TMEM45A: variants seen among roughly 807,000 people sequenced by gnomAD.
The protein encoded by TMEM45A is DNA polymerase-transactivated protein 4.
TMEM45A carries 25 observed loss-of-function variants against 32.0 expected under a neutral mutation model. The ratio of observed to expected loss-of-function variants is 0.78; its 90% CI spans 0.57 to 1.09. The LOEUF is 1.09. Among genes scored for constraint, TMEM45A ranks in the 50% least tolerant of loss-of-function variants. The pLI, the probability that TMEM45A is intolerant of heterozygous loss-of-function variation, is 0.00. For synonymous variants in TMEM45A, 122 were observed against 114.8 expected (o/e 1.06, Z -0.40); for missense variants, 302 against 325.0 (o/e 0.93, Z 0.54).
chr3:100,557,556 GTT>G lies in TMEM45A; in HGVS notation c.403+595_403+596del, dbSNP rs5851211. On this transcript the variant is annotated intron_variant, in intron 3 of 5. Coordinates refer to ENST00000323523, the MANE Select transcript of TMEM45A (RefSeq NM_018004.3). The stretch of plus-strand genomic sequence containing the variant: ...GAAAAAAGAAAACAAGCATTTAATG[GTT>G]TTTTTTTTTTCATGTATTACACACG... Among the ~76,000 whole-genome samples, 470 of 150,132 alleles carry G rather than the reference GTT, an allele frequency of 3.1e-3. 2 individuals are homozygous for G. Among genetic ancestry groups the G allele is most frequent in the African/African-American group, 9.6e-3 (393 of 40,782 alleles).
intron 1 of TMEM45A, among the ~76,000 whole-genome samples, chr3:100,534,347 G>C (rs146113159): frequency 1.8e-3 from 279 of 152,242 alleles, no homozygotes; most frequent in African/African-American, 6.1e-3. Flanking sequence ...GATTATCCTG[G>C]ATTATTCAGG....
chr3:100,558,231 T>G (rs1331830030), intron 3 of TMEM45A, among the ~76,000 whole-genome samples, 174 bp from the exon 4 acceptor site: 2 of 152,162 alleles, frequency 1.3e-5, no homozygotes, highest in Non-Finnish European at 1.5e-5. Flanking sequence ...AAGATCCTAT[T>G]CTAATGAGGT....
chr3:100,554,353 A>G (rs896973280), intron 1 of TMEM45A, among the ~76,000 whole-genome samples: 17 of 152,206 alleles, frequency 1.1e-4, no homozygotes, highest in African/African-American at 3.9e-4. Flanking sequence ...TTGCCTTAGC[A>G]CAATAAGGGA....
intron 1 of TMEM45A, among the ~76,000 whole-genome samples, chr3:100,508,267 C>T (rs1708104771): frequency 6.6e-6 from 1 of 152,110 alleles, no homozygotes; most frequent in African/African-American, 2.4e-5. Flanking sequence ...ATGGGTCACA[C>T]ACATAGCCCA....
At chr3:100,520,539 A>G (rs1448364359) in intron 1 of TMEM45A, among the ~76,000 whole-genome samples, 3 of 152,110 alleles carry the variant, frequency 2.0e-5, no homozygotes, top group African/African-American at 4.8e-5. Flanking sequence ...TCTGTTATCC[A>G]TGTGGCCTTA....
intron 1 of TMEM45A, among the ~76,000 whole-genome samples, chr3:100,542,899 G>T (rs1384460102): frequency 6.6e-6 from 1 of 152,122 alleles, no homozygotes; most frequent in East Asian, 1.9e-4. Context: ...GGAAGGGAGG[G>T]AGGGGACAAG....
Position 100,558,565 on chromosome 3 carries a change from G to T in TMEM45A, c.564G>T (p.Leu188=). ...LLELLRSSLI[L]LQGSWFFQIG... ...AGCTATTGCGGTCAAGTCTCATTCTGCTTCAGGGGAGCTGGTTCTTTCAGG... is the reference window on the plus strand; with the variant it reads ...AGCTATTGCGGTCAAGTCTCATTCTTCTTCAGGGGAGCTGGTTCTTTCAGG... The change falls in exon 4 of 6, where the codon CTG becomes CTT. Residue 188 remains leucine, a synonymous_variant. Coordinates refer to ENST00000323523, the MANE Select transcript of TMEM45A (RefSeq NM_018004.3). 6.2e-7 allele frequency: 1 copy of T among 1,614,028 alleles called. No homozygotes were observed. Among genetic ancestry groups the T allele is most frequent in the East Asian group, 2.2e-5 (1 of 44,882 alleles).
At chr3:100,558,313 T>C in intron 3 of TMEM45A, 92 bp from the exon 4 acceptor site, 1 of 1,480,604 alleles carries the variant, frequency 6.8e-7, no homozygotes, top group Non-Finnish European at 9.3e-7. Context: ...TGTGTGTATG[T>C]GTAAAATTCT....
chr3:100,548,461 T>C (rs1706022823), intron 1 of TMEM45A, among the ~76,000 whole-genome samples: 1 of 152,130 alleles, frequency 6.6e-6, no homozygotes, highest in Non-Finnish European at 1.5e-5. Context: ...AGACCAGAGC[T>C]CTCACTTCTT....
intron 4 of TMEM45A, among the ~76,000 whole-genome samples, chr3:100,559,096 A>G (rs1426030803): frequency 6.6e-6 from 1 of 152,222 alleles, no homozygotes; most frequent in Non-Finnish European, 1.5e-5. Flanking sequence ...CAGAGCTAGG[A>G]TCTAAATTTG....
chr3:100,568,400 C>T (rs946807973), intron 4 of TMEM45A, among the ~76,000 whole-genome samples: 2 of 152,130 alleles, frequency 1.3e-5, no homozygotes, highest in Admixed American at 6.5e-5. Flanking sequence ...AGCAGACATC[C>T]ATGTCTCGTT....
At chr3:100,510,460 C>T (rs1708141755) in intron 1 of TMEM45A, among the ~76,000 whole-genome samples, 1 of 152,218 alleles carries the variant, frequency 6.6e-6, no homozygotes, top group Admixed American at 6.5e-5. Flanking sequence ...ACACCAAAAA[C>T]CCATCTGTAC....
chr3:100,575,048 T>G (rs59720880), intron 5 of TMEM45A, among the ~76,000 whole-genome samples: 2 of 152,194 alleles, frequency 1.3e-5, no homozygotes, highest in African/African-American at 4.8e-5. Context: ...AGAAAAAATA[T>G]AGCAGAAAAT....
At chr3:100,514,232 A>C (rs949423242) in intron 1 of TMEM45A, among the ~76,000 whole-genome samples, 24 of 152,194 alleles carry the variant, frequency 1.6e-4, no homozygotes, top group Non-Finnish European at 3.1e-4. Context: ...ACTATACTAC[A>C]AGGCTACAGT....
chr3:100,541,835 G>A (rs1275093302), intron 1 of TMEM45A, among the ~76,000 whole-genome samples: 1 of 152,098 alleles, frequency 6.6e-6, no homozygotes, highest in Non-Finnish European at 1.5e-5. Flanking sequence ...AGGGGTCAAG[G>A]TTCATTCTTC....
intron 1 of TMEM45A, among the ~76,000 whole-genome samples, chr3:100,540,659 T>A (rs983199737): frequency 6.6e-6 from 1 of 152,176 alleles, no homozygotes; most frequent in African/African-American, 2.4e-5. Flanking sequence ...CATACAATTA[T>A]CTAGGAGCAC....
intron 1 of TMEM45A, chr3:100,519,169 A>G (rs1054454128): frequency 5.5e-6 from 1 of 182,138 alleles, no homozygotes; most frequent in Non-Finnish European, 1.2e-5. Flanking sequence ...TGGGAGGAAG[A>G]AAAGAGAGTT....
intron 1 of TMEM45A, among the ~76,000 whole-genome samples, chr3:100,548,435 C>T (rs62274560): frequency 0.42 from 63,757 of 151,972 alleles, 13,551 homozygotes; most frequent in Middle Eastern, 0.49. Flanking sequence ...TGAGAGTGAA[C>T]GAGAAGCTCT....
chr3:100,508,310 G>C (rs1205483320), intron 1 of TMEM45A, among the ~76,000 whole-genome samples: 1 of 152,058 alleles, frequency 6.6e-6, no homozygotes, highest in Non-Finnish European at 1.5e-5. Context: ...GTGCCCTTTC[G>C]AGAGCCCAGG....
Sources: allele counts gnomAD v4.1 joint callset (sites outside exome capture counted in the v4.1 genomes callset), GRCh38; gene constraint gnomAD v4.1.1; transcripts MANE v1.5; gene names NCBI Gene and HGNC (gene_info 2026-07-23, HGNC 2026-07-21).